Variants in SLC38A4 observed in about 807,000 individuals in gnomAD.
SLC38A4 encodes the protein solute carrier family 38 member 4.
SLC38A4 carries 20 observed loss-of-function variants against 63.1 expected under a neutral mutation model. The ratio of observed to expected loss-of-function variants is 0.32; its 90% CI spans 0.22 to 0.46. SLC38A4 has a LOEUF of 0.46. Among genes scored for constraint, SLC38A4 ranks in the 20% least tolerant of loss-of-function variants. The pLI, the probability that SLC38A4 is intolerant of heterozygous loss-of-function variation, is 1.00. For synonymous variants in SLC38A4, 230 were observed against 225.5 expected, an observed-to-expected ratio of 1.02 and a Z score of -0.18; for missense variants, 526 against 663.6, an observed-to-expected ratio of 0.79 and a Z score of 2.28.
intron 1 of SLC38A4, among the ~76,000 whole-genome samples, chr12:46,811,907 G>GT (rs965535818): frequency 6.6e-6 from 1 of 151,944 alleles, no homozygotes; most frequent in African/African-American, 2.4e-5. Context: ...TCTTACAGGA[G>GT]TTGAATATTT....
At chr12:46,771,855 G>T (rs1000162356) in intron 14 of SLC38A4, among the ~76,000 whole-genome samples, 2 of 152,060 alleles carry the variant, frequency 1.3e-5, no homozygotes, top group Non-Finnish European at 2.9e-5. Flanking sequence ...CTTCCACTTA[G>T]CTATGTGCCT....
chr12:46,832,272 T>C (rs970487380), intron 1 of SLC38A4: 1 of 152,098 alleles, frequency 6.6e-6, no homozygotes, highest in Non-Finnish European at 1.5e-5. Context: ...AGCTGCAAGT[T>C]TGGACACTGA....
chr12:46,826,088 G>C (rs1939647472), upstream of SLC38A4: 1 of 152,246 alleles, frequency 6.6e-6, no homozygotes, highest in Non-Finnish European at 1.5e-5. Flanking sequence ...ATTGCAGACA[G>C]AACAGCGACC....
chr12:46,769,309 A>G lies in SLC38A4; in HGVS notation c.1419T>C (p.Thr473=). The stretch of plus-strand genomic sequence containing the variant: ...CTATGAATCCGAAGATGTATTTTAT[A>G]GTTGGCACAAGGATGACCAGAACAT... The part of the protein sequence containing the change: ...LNNVLVILVP[T]IKYIFGFIGA... Residue 473 remains threonine (T), a synonymous_variant, in exon 15 of 17, where the codon ACT becomes ACC. Coordinates refer to ENST00000266579, the MANE Select transcript of SLC38A4 (RefSeq NM_018018.5). The G allele has an allele frequency of 6.2e-7, 1 of 1,613,314 alleles. No individual in the cohort carries two copies. Among genetic ancestry groups the G allele is most frequent in the Non-Finnish European group, 8.5e-7 (1 of 1,179,474 alleles).
intron 2 of SLC38A4, among the ~76,000 whole-genome samples, chr12:46,797,305 T>C (rs566962360): frequency 6.6e-6 from 1 of 152,194 alleles, no homozygotes; most frequent in South Asian, 2.1e-4. Context: ...AAAGGTCCAC[T>C]CTCACCACTG....
At chr12:46,810,982 GT>G (rs1228483517) in intron 1 of SLC38A4, among the ~76,000 whole-genome samples, 1 of 152,022 alleles carries the variant, frequency 6.6e-6, no homozygotes, top group East Asian at 1.9e-4. Flanking sequence ...AAAAATGATT[GT>G]TTTTTCCCCA....
intron 14 of SLC38A4, among the ~76,000 whole-genome samples, chr12:46,770,686 G>C (rs762764214): frequency 1.3e-5 from 2 of 152,014 alleles, no homozygotes; most frequent in Non-Finnish European, 2.9e-5. Context: ...TGTACAGCTT[G>C]ACAAAGTTGA....
In SLC38A4 at chr12:46,793,086, C is replaced by T; in HGVS notation, c.-15G>A. On this transcript the variant is annotated 5_prime_UTR_variant, in exon 3 of 17. Coordinates refer to ENST00000266579, the MANE Select transcript of SLC38A4 (RefSeq NM_018018.5). ...ATGGGATCCATTTGAGCTGTCAGCG[C>T]TTTCTTGTCCACACACAAGCCCCTT... The T allele has an allele frequency of 6.3e-7, 1 of 1,583,226 alleles. No homozygotes were observed. The highest frequency in any genetic ancestry group is 8.7e-7 in the Non-Finnish European group (1 of 1,152,510).
chr12:46,807,886 G>A (rs924378799), intron 1 of SLC38A4, among the ~76,000 whole-genome samples: 1 of 61,102 alleles, frequency 1.6e-5, no homozygotes, highest in Non-Finnish European at 3.8e-5. Context: ...ATAATTAAAT[G>A]TTACCCCCCC....
In SLC38A4 at chr12:46,766,244, T is replaced by A. The variant is rs539183356; in HGVS notation, c.*457A>T. On this transcript the variant is annotated 3_prime_UTR_variant, in exon 17 of 17. Coordinates refer to ENST00000266579, the MANE Select transcript of SLC38A4 (RefSeq NM_018018.5). ...CTCTGTTAGTAAACAGACCAGAGAC[T>A]TTGGTGCAAGACTGAGAGAAGACAT... 26 of 387,412 alleles carry A rather than the reference T, an allele frequency of 6.7e-5. No homozygotes were observed. Among genetic ancestry groups the A allele is most frequent in the African/African-American group, 3.5e-4 (17 of 48,004 alleles). 24.0% of individuals were successfully genotyped at this position (387,412 alleles called of 1,614,324 possible).
intron 12 of SLC38A4, among the ~76,000 whole-genome samples, chr12:46,777,420 AG>A (rs1187446424): frequency 6.6e-6 from 1 of 152,008 alleles, no homozygotes; most frequent in African/African-American, 2.4e-5. Flanking sequence ...CTACCTGAAA[AG>A]CTTCTGAAAA....
intron 5 of SLC38A4, among the ~76,000 whole-genome samples, chr12:46,786,799 T>C (rs988401464): frequency 6.6e-6 from 1 of 152,184 alleles, no homozygotes; most frequent in African/African-American, 2.4e-5. Context: ...TTTATAGTCC[T>C]GATGCTTAGC....
intron 13 of SLC38A4, among the ~76,000 whole-genome samples, chr12:46,775,747 A>C (rs1382520231): frequency 6.6e-6 from 1 of 152,012 alleles, no homozygotes; most frequent in African/African-American, 2.4e-5. Context: ...GCAGGGATAA[A>C]TTAGTATAAT....
chr12:46,831,937 G>A (rs1939737153), intron 1 of SLC38A4, among the ~76,000 whole-genome samples: 1 of 152,096 alleles, frequency 6.6e-6, no homozygotes, highest in African/African-American at 2.4e-5. Flanking sequence ...CAGTGCGGGA[G>A]GCGGAGGTGC....
intron 12 of SLC38A4, among the ~76,000 whole-genome samples, chr12:46,778,082 G>A (rs772327300): frequency 6.6e-6 from 1 of 151,952 alleles, no homozygotes; most frequent in African/African-American, 2.4e-5. Context: ...AACCATTATG[G>A]TGGAGAGAAA....
At position 46,764,926 on chromosome 12, in the gene SLC38A4, G is replaced by A. The variant is rs952231348; in HGVS notation, c.*1775C>T. 1 of 152,520 alleles carries A rather than the reference G, an allele frequency of 6.6e-6. No individual in the cohort carries two copies. Among genetic ancestry groups the A allele is most frequent in the Non-Finnish European group, 1.5e-5 (1 of 67,972 alleles). The allele number at this position is 152,520 out of a possible 1,614,324, so 9.4% of individuals were successfully genotyped here. The stretch of plus-strand genomic sequence containing the variant: ...AGCACAAGCTATCATATGTATGTCT[G>A]CCCTGCAGTATATATGAATTTTAAT... On this transcript the variant is annotated 3_prime_UTR_variant, in exon 17 of 17. Transcript: ENST00000266579.
At position 46,765,819 on chromosome 12, in the gene SLC38A4, T is replaced by G. The variant is rs1938286443; in HGVS notation, c.*882A>C. The stretch of plus-strand genomic sequence containing the variant: ...CAAATAAAAATGTATCAAACAATAC[T>G]GGGTAGTGTATCTCCACGATTGTGG... On this transcript the variant is annotated 3_prime_UTR_variant, in exon 17 of 17. Transcript: ENST00000266579. 6.3e-6 allele frequency: 1 copy of G among 159,088 alleles called. No homozygotes were observed. Among genetic ancestry groups the G allele is most frequent in the Non-Finnish European group, 1.4e-5 (1 of 72,144 alleles). 9.9% of individuals were successfully genotyped at this position (159,088 alleles called of 1,614,324 possible).
chr12:46,809,196 G>T (rs549615607), intron 1 of SLC38A4, among the ~76,000 whole-genome samples: 2 of 151,938 alleles, frequency 1.3e-5, no homozygotes, highest in Non-Finnish European at 2.9e-5. Flanking sequence ...AAGCAAGGGG[G>T]CCCTCCTAAA....
At position 46,821,799 on chromosome 12, in the gene SLC38A4, G is replaced by A. The variant is rs1048886067; in HGVS notation, c.-305+4104C>T. Among the ~76,000 whole-genome samples the A allele has an allele frequency of 7.2e-5, 11 of 152,114 alleles. No individual in the cohort carries two copies. The South Asian group carries it at 1.0e-3, about 14-fold the overall frequency. On this transcript the variant is annotated intron_variant, in intron 1 of 16. Coordinates refer to ENST00000266579, the MANE Select transcript of SLC38A4 (RefSeq NM_018018.5). ...CTGTGGATAGTATGGGCATTTTAAC[G>A]ATGTTAAGTCTTCCATTCCATTAAC... is the stretch of plus-strand genomic sequence containing the variant.
Sources: gnomAD v4.1 joint callset for allele counts (sites outside exome capture counted in the v4.1 genomes callset) on GRCh38, gnomAD v4.1.1 for gene constraint, MANE v1.5 for transcripts, NCBI Gene and HGNC (gene_info 2026-07-23, HGNC 2026-07-21) for gene names.